The following BLTP1 variants were observed in gnomAD, a reference collection of about 807,000 sequenced individuals.
BLTP1 encodes the protein fragile site-associated protein.
the BLTP1 span, among the ~76,000 whole-genome samples, chr4:122,326,560 CT>C: frequency 6.6e-6 from 1 of 151,326 alleles, no homozygotes; most frequent in East Asian, 1.9e-4. Context: ...TGAGCTTGTT[CT>C]TTTTTTATGA....
At chr4:122,292,917 T>C in the BLTP1 span, 2 of 258,448 alleles carry the variant, frequency 7.7e-6, no homozygotes, top group African/African-American at 4.6e-5. Flanking sequence ...AAAGAAGGGT[T>C]GGAAAGGAGC....
the BLTP1 span, chr4:122,187,831 GAA>G: frequency 8.7e-6 from 13 of 1,487,360 alleles, no homozygotes; most frequent in Middle Eastern, 1.8e-4. Context: ...TTTAGCTAAA[GAA>G]AGAAATATGG....
the BLTP1 span, among the ~76,000 whole-genome samples, chr4:122,253,963 G>A: frequency 1.3e-5 from 2 of 152,190 alleles, no homozygotes; most frequent in African/African-American, 2.4e-5. Flanking sequence ...ACTTTTCAGT[G>A]GAATCTTTAC....
the BLTP1 span, chr4:122,173,023 T>C: frequency 1.2e-5 from 20 of 1,612,562 alleles, no homozygotes; most frequent in Non-Finnish European, 1.7e-5. Context: ...TCTGATTTTT[T>C]TCCTCCCAAC....
the BLTP1 span, chr4:122,277,577 C>T: frequency 4.1e-5 from 39 of 952,254 alleles, no homozygotes; most frequent in African/African-American, 5.3e-5. Flanking sequence ...CAAGAAAGAT[C>T]GTATCTTTGC....
At chr4:122,359,363 G>A in the BLTP1 span, 1 of 930,812 alleles carries the variant, frequency 1.1e-6, no homozygotes, top group Non-Finnish European at 1.3e-6. Context: ...TATCATTAAT[G>A]TTGACACTGT....
the BLTP1 span, chr4:122,348,554 T>G: frequency 5.1e-6 from 8 of 1,578,724 alleles, no homozygotes; most frequent in South Asian, 9.5e-5. Context: ...GTATTTGATT[T>G]TTCTATTTTT....
At chr4:122,245,102 G>A in the BLTP1 span, 2 of 1,610,724 alleles carry the variant, frequency 1.2e-6, no homozygotes, top group South Asian at 1.1e-5. Context: ...AGTCCTCAGG[G>A]AAGCTGTCCA....
chr4:122,243,613 G>A, the BLTP1 span: 1 of 324,020 alleles, frequency 3.1e-6, no homozygotes, highest in South Asian at 1.2e-4. Context: ...ATTAGGCATA[G>A]TGGCGCATGC....
chr4:122,281,906 T>C, the BLTP1 span: 2 of 1,297,402 alleles, frequency 1.5e-6, no homozygotes, highest in East Asian at 3.0e-5. Flanking sequence ...TTAAAGTTCA[T>C]TAATGATGTT....
chr4:122,267,051 A>ATTTTTTTTTTATTTTTT, the BLTP1 span: 1 of 138,564 alleles, frequency 7.2e-6, no homozygotes, highest in Non-Finnish European at 1.3e-5. Flanking sequence ...TAAGGAAGTA[A>ATTTTTTTTTTATTTTTT]TTTTTTTTTT....
chr4:122,212,572 G>C, the BLTP1 span, among the ~76,000 whole-genome samples: 1 of 151,636 alleles, frequency 6.6e-6, no homozygotes, highest in Non-Finnish European at 1.5e-5. Flanking sequence ...ATTAACTTTT[G>C]TTTTTGTGTT....
chr4:122,289,810 AATTC>A, the BLTP1 span: 5 of 981,576 alleles, frequency 5.1e-6, no homozygotes, highest in Non-Finnish European at 6.1e-6. Context: ...CTCATGGATT[AATTC>A]ATTCATTTAA....
At chr4:122,314,056 A>T in the BLTP1 span, 1 of 968,020 alleles carries the variant, frequency 1.0e-6, no homozygotes, top group Non-Finnish European at 1.2e-6. Context: ...ATTGAAATGT[A>T]TAAAAAGAAG....
the BLTP1 span, chr4:122,152,360 CT>C: frequency 3.0e-6 from 3 of 985,920 alleles, no homozygotes; most frequent in Non-Finnish European, 3.6e-6. Flanking sequence ...GTTGGGACCC[CT>C]CCCCTCCTCC....
chr4:122,281,868 A>G, the BLTP1 span: 1 of 1,341,802 alleles, frequency 7.5e-7, no homozygotes, highest in Non-Finnish European at 9.7e-7. Context: ...GGTTTTATAG[A>G]TATTATAAGT....
chr4:122,280,317 T>C, the BLTP1 span: 2 of 402,200 alleles, frequency 5.0e-6, no homozygotes, highest in Non-Finnish European at 6.7e-6. Context: ...TTTGAATTCA[T>C]TGGAAACTTA....
the BLTP1 span, chr4:122,277,666 A>T: frequency 2.1e-6 from 2 of 974,146 alleles, no homozygotes; most frequent in Non-Finnish European, 1.2e-6. Flanking sequence ...TCAGACTTTT[A>T]TCATTTGTTT....
the BLTP1 span, among the ~76,000 whole-genome samples, chr4:122,217,662 T>C: frequency 2.6e-5 from 4 of 152,322 alleles, no homozygotes; most frequent in Admixed American, 6.5e-5. Context: ...ATCAGGGATA[T>C]TGATCTTTAG....
Sources: allele counts gnomAD v4.1 joint callset (sites outside exome capture counted in the v4.1 genomes callset), GRCh38; gene constraint gnomAD v4.1.1; transcripts MANE v1.5; gene names NCBI Gene and HGNC (gene_info 2026-07-23, HGNC 2026-07-21).